The following AP4S1 variants were observed in gnomAD, a reference collection of about 807,000 sequenced individuals.
AP4S1 encodes AP-4 complex subunit sigma-1.
AP4S1 carries 23 observed loss-of-function variants against 19.8 expected under a neutral mutation model. The observed-to-expected ratio is 1.16, with a 90% CI of 0.84 to 1.65. The LOEUF (loss-of-function observed/expected upper bound fraction) is 1.65, where lower values mean the gene tolerates loss of function less well. AP4S1 is among the 40% of genes most tolerant of loss of function. The probability of loss-of-function intolerance (pLI) is 0.00; values close to 1 mark genes in which losing one functional copy is unlikely to be tolerated. For synonymous variants in AP4S1, 46 were observed against 54.1 expected, an observed-to-expected ratio of 0.85 and a Z score of 0.66; for missense variants, 166 against 172.8, an observed-to-expected ratio of 0.96 and a Z score of 0.22.
intron 1 of AP4S1, among the ~76,000 whole-genome samples, chr14:31,053,585 TTTTC>T (rs1885930060): frequency 7.2e-6 from 1 of 138,366 alleles, no homozygotes; most frequent in Non-Finnish European, 1.5e-5. Context: ...TTAGTGACTT[TTTTC>T]TTTTTTTTTT....
intron 1 of AP4S1, among the ~76,000 whole-genome samples, chr14:31,065,458 G>A (rs1886661387): frequency 6.9e-6 from 1 of 145,856 alleles, no homozygotes; most frequent in South Asian, 2.1e-4. Flanking sequence ...TAGCACCTTT[G>A]CTAGATGTAA....
At chr14:31,085,438 C>G (rs1169798869) in intron 5 of AP4S1, 1 of 986,100 alleles carries the variant, frequency 1.0e-6, no homozygotes, top group Non-Finnish European at 1.2e-6. Flanking sequence ...GAATCCAGGC[C>G]CCACAAATAT....
chr14:31,057,997 A>C (rs1217475007), intron 1 of AP4S1, among the ~76,000 whole-genome samples: 3 of 151,454 alleles, frequency 2.0e-5, no homozygotes, highest in African/African-American at 7.3e-5. Context: ...TGGAGTGATC[A>C]TAGCTCACTG....
At chr14:31,064,712 T>C (rs530797938) in intron 1 of AP4S1, among the ~76,000 whole-genome samples, 1 of 152,312 alleles carries the variant, frequency 6.6e-6, no homozygotes, top group South Asian at 2.1e-4. Context: ...ATCCCAACAC[T>C]TTGGGAGGCC....
At chr14:31,037,594 A>G (rs1427333743) in intron 1 of AP4S1, among the ~76,000 whole-genome samples, 4 of 152,184 alleles carry the variant, frequency 2.6e-5, no homozygotes, top group Non-Finnish European at 5.9e-5. Flanking sequence ...AGAAGTGTAA[A>G]TTTAAGTATA....
intron 1 of AP4S1, among the ~76,000 whole-genome samples, chr14:31,062,392 C>T (rs1886489018): frequency 6.6e-6 from 1 of 152,178 alleles, no homozygotes; most frequent in Admixed American, 6.5e-5. Context: ...AGCCACTGCA[C>T]CCGGCCAGGT....
chr14:31,057,938 T>G (rs1397613168), intron 1 of AP4S1, among the ~76,000 whole-genome samples: 3 of 151,860 alleles, frequency 2.0e-5, no homozygotes, highest in Non-Finnish European at 4.4e-5. Flanking sequence ...AGTTGTTTTT[T>G]TTTTTTTTAG....
At chr14:31,067,088 G>A (rs903307417) in intron 2 of AP4S1, among the ~76,000 whole-genome samples, 2 of 152,000 alleles carry the variant, frequency 1.3e-5, no homozygotes, top group African/African-American at 4.8e-5. Context: ...GTGCACAACT[G>A]TAGTCCCAGC....
intron 1 of AP4S1, chr14:31,026,992 T>C (rs1306165022): frequency 6.6e-6 from 1 of 152,286 alleles, no homozygotes; most frequent in Non-Finnish European, 1.5e-5. Flanking sequence ...CTGTGGTTAC[T>C]GATTCCTCGT....
intron 1 of AP4S1, among the ~76,000 whole-genome samples, chr14:31,059,422 A>G (rs1367606239): frequency 6.6e-6 from 1 of 152,196 alleles, no homozygotes; most frequent in Admixed American, 6.5e-5. Context: ...TTACCACTTA[A>G]TGCAAGCAGG....
At chr14:31,088,839 C>A (rs1231634124) in intron 5 of AP4S1, among the ~76,000 whole-genome samples, 2 of 134,070 alleles carry the variant, frequency 1.5e-5, no homozygotes, top group Admixed American at 7.7e-5. Context: ...AAGTCCTTTT[C>A]AGTGGCCTCA....
At chr14:31,028,113 A>G (rs1421754043) in intron 1 of AP4S1, among the ~76,000 whole-genome samples, 1 of 152,164 alleles carries the variant, frequency 6.6e-6, no homozygotes, top group African/African-American at 2.4e-5. Context: ...TTTTATTTCT[A>G]TATGAAATGA....
chr14:31,085,399 G>T (rs1224175733), intron 5 of AP4S1: 7 of 988,056 alleles, frequency 7.1e-6, no homozygotes, highest in Non-Finnish European at 8.4e-6. Context: ...TCTCTACTTT[G>T]TATTCTTGTG....
intron 1 of AP4S1, among the ~76,000 whole-genome samples, chr14:31,051,454 T>C (rs1443779859): frequency 3.3e-5 from 5 of 152,170 alleles, no homozygotes; most frequent in Non-Finnish European, 7.4e-5. Context: ...GCAGATCACC[T>C]GAGGTCGAGA....
intron 4 of AP4S1, among the ~76,000 whole-genome samples, chr14:31,077,739 C>CTT (rs71112379): frequency 7.2e-4 from 98 of 135,218 alleles, no homozygotes; most frequent in Admixed American, 1.1e-3. Flanking sequence ...TTTCTTTTTT[C>CTT]TTTTTTTTTT....
chr14:31,049,077 C>T (rs1348036337), intron 1 of AP4S1, among the ~76,000 whole-genome samples: 1 of 150,966 alleles, frequency 6.6e-6, no homozygotes, highest in Non-Finnish European at 1.5e-5. Context: ...GGTGAAACCC[C>T]ATCTCTACAA....
intron 1 of AP4S1, among the ~76,000 whole-genome samples, chr14:31,046,353 T>TC (rs1201909754): frequency 8.5e-5 from 13 of 152,300 alleles, no homozygotes; most frequent in African/African-American, 2.9e-4. Flanking sequence ...ATATGCTTTT[T>TC]CTGGACATTT....
intron 1 of AP4S1, among the ~76,000 whole-genome samples, chr14:31,046,331 C>T (rs1204286045): frequency 6.6e-6 from 1 of 152,180 alleles, no homozygotes; most frequent in Non-Finnish European, 1.5e-5. Context: ...AATCTACTTT[C>T]TATCACTGTA....
chr14:31,080,751 C>G, intron 5 of AP4S1, 167 bp downstream of exon 5: 2 of 904,332 alleles, frequency 2.2e-6, no homozygotes, highest in East Asian at 2.4e-5. Flanking sequence ...AACTCCTCCC[C>G]AACTTCGTCA....
Sources: gnomAD v4.1 joint callset for allele counts (sites outside exome capture counted in the v4.1 genomes callset) on GRCh38, gnomAD v4.1.1 for gene constraint, MANE v1.5 for transcripts, NCBI Gene and HGNC (gene_info 2026-07-23, HGNC 2026-07-21) for gene names.